The following MYO10 variants were observed in gnomAD, a reference collection of about 807,000 sequenced individuals.
MYO10 encodes the protein myosin X, also known as unconventional myosin-X.
Under a neutral mutation model 257.3 loss-of-function variants are expected in MYO10, and 133 were observed. That is an observed-to-expected ratio of 0.52 (90% CI 0.45 to 0.60). The LOEUF (loss-of-function observed/expected upper bound fraction) is 0.60, where lower values mean the gene tolerates loss of function less well. Ranked by LOEUF, MYO10 falls within the 20% of genes least tolerant of loss-of-function variation. MYO10 has a pLI of 0.00. For synonymous variants in MYO10, 1,104 were observed against 1,028.6 expected (o/e 1.07, Z -1.40); for missense variants, 2,399 against 2,635.7 (o/e 0.91, Z 1.97).
rs866141542 is a variant in MYO10 at position 16,830,526 on chromosome 5, G to A, written c.121-12359C>T. On this transcript the variant is annotated intron_variant, in intron 2 of 40. Coordinates refer to ENST00000513610, the MANE Select transcript of MYO10 (RefSeq NM_012334.3). ...AAAAAAAAAGATGTTCAAACTCTTC[G>A]AGCCAGTCTTTCCACATTTAGGAAT... Among the ~76,000 whole-genome samples, 13 of 151,930 alleles carry A rather than the reference G, an allele frequency of 8.6e-5. 1 individual carries two copies. Among genetic ancestry groups the A allele is most frequent in the Middle Eastern group, 6.8e-3 (2 of 294 alleles).
chr5:16,804,138 G>GGGC (rs1340702843), intron 3 of MYO10, among the ~76,000 whole-genome samples: 1 of 152,154 alleles, frequency 6.6e-6, no homozygotes, highest in African/African-American at 2.4e-5. Flanking sequence ...TCCACCCACA[G>GGGC]GGCTCTGTCA....
chr5:16,867,675 G>A (rs890175935), intron 2 of MYO10, among the ~76,000 whole-genome samples: 28 of 152,170 alleles, frequency 1.8e-4, no homozygotes, highest in African/African-American at 6.5e-4. Context: ...TGGGAGCTGC[G>A]ATTGCTTTAA....
intron 2 of MYO10, among the ~76,000 whole-genome samples, chr5:16,831,572 C>A (rs1188743091): frequency 6.7e-6 from 1 of 150,122 alleles, no homozygotes; most frequent in Non-Finnish European, 1.5e-5. Context: ...GTATTCACAG[C>A]AACCTGGATG....
intron 1 of MYO10, among the ~76,000 whole-genome samples, chr5:16,881,529 T>C (rs969834407): frequency 4.6e-5 from 7 of 152,298 alleles, no homozygotes; most frequent in African/African-American, 4.8e-5. Context: ...CCACAGCCCA[T>C]TGGCCAGTTT....
Position 16,713,567 on chromosome 5 carries a change from A to G in MYO10, c.1930-2322T>C, listed in dbSNP as rs185045450. 1.5e-4 allele frequency: 135 copies of G among 877,336 alleles called. No homozygotes were observed. In the African/African-American group the frequency reaches 2.4e-3, roughly 16 times the overall value. The allele number at this position is 877,336 out of a possible 1,614,324, so 54.3% of individuals were successfully genotyped here. A position where few individuals can be genotyped will look rare whatever the true frequency, so the allele number is the denominator to read the frequency against. On this transcript the variant is annotated intron_variant, in intron 19 of 40. Coordinates refer to ENST00000513610, the MANE Select transcript of MYO10 (RefSeq NM_012334.3). ...CACAGCCAGGGGAGGGGAGGGAGGG[A>G]GCAAGGAGCGGCCTCGAGATCCAGG...
chr5:16,762,143 A>AAAAAAAAAAAAATATATAT (rs370443366), intron 15 of MYO10, 30 bp from the exon 16 acceptor site: 1 of 1,055,752 alleles, frequency 9.5e-7, no homozygotes, highest in African/African-American at 1.6e-5. Flanking sequence ...AAAAAAAAAA[A>AAAAAAAAAAAAATATATAT]ATACAATGCC....
Position 16,664,980 on chromosome 5 carries a change from G to A in MYO10, c.*1712C>T, listed in dbSNP as rs1467563643. On this transcript the variant is annotated 3_prime_UTR_variant, in exon 41 of 41. Transcript: ENST00000513610. The stretch of plus-strand genomic sequence containing the variant: ...TCACACCTGTAATCCCAGCACTTTG[G>A]GAGGCTGAGGCAGGTGGATCGAGAC... The A allele has an allele frequency of 1.3e-5, 2 of 152,212 alleles. No homozygotes were observed. The highest frequency in any genetic ancestry group is 2.9e-5 in the Non-Finnish European group (2 of 68,174). The allele number at this position is 152,212 out of a possible 1,614,324, so 9.4% of individuals were successfully genotyped here.
intron 1 of MYO10, among the ~76,000 whole-genome samples, chr5:16,917,805 G>A (rs745429175): frequency 6.6e-6 from 1 of 152,102 alleles, no homozygotes; most frequent in Non-Finnish European, 1.5e-5. Context: ...AGCCCAGGAG[G>A]TCCGGGGTAT....
At chr5:16,926,423 C>G (rs981677214) in intron 1 of MYO10, among the ~76,000 whole-genome samples, 2 of 152,110 alleles carry the variant, frequency 1.3e-5, no homozygotes, top group Non-Finnish European at 2.9e-5. Flanking sequence ...ACAATCTGGC[C>G]AGGTGGGGTG....
chr5:16,795,496 G>C, intron 3 of MYO10, among the ~76,000 whole-genome samples: 1 of 152,058 alleles, frequency 6.6e-6, no homozygotes, highest in East Asian at 1.9e-4. Context: ...CCCTACACAG[G>C]AGGCTGGGAA....
intron 1 of MYO10, among the ~76,000 whole-genome samples, chr5:16,911,866 CA>C (rs1745667415): frequency 6.6e-6 from 1 of 151,872 alleles, no homozygotes; most frequent in Non-Finnish European, 1.5e-5. Context: ...GGTGAAACCC[CA>C]TCTCTACTAA....
intron 25 of MYO10, 25 bp from the exon 26 acceptor site, chr5:16,699,598 G>T: frequency 6.2e-7 from 1 of 1,612,514 alleles, no homozygotes; most frequent in East Asian, 2.2e-5. Context: ...AGAAGCCAAC[G>T]GTGAGGGAAA....
intron 1 of MYO10, among the ~76,000 whole-genome samples, chr5:16,907,893 C>A (rs1226340315): frequency 6.6e-6 from 1 of 152,208 alleles, no homozygotes; most frequent in African/African-American, 2.4e-5. Flanking sequence ...TTTATCTTTA[C>A]CTCTCTTTTA....
At chr5:16,923,768 C>G (rs1363840545) in intron 1 of MYO10, among the ~76,000 whole-genome samples, 1 of 150,342 alleles carries the variant, frequency 6.7e-6, no homozygotes, top group Admixed American at 6.7e-5. Flanking sequence ...GGTTAACTCA[C>G]AAGGATACTA....
chr5:16,862,930 G>A (rs1271266913), intron 2 of MYO10, among the ~76,000 whole-genome samples: 1 of 152,126 alleles, frequency 6.6e-6, no homozygotes, highest in Non-Finnish European at 1.5e-5. Flanking sequence ...CAGGACTAAG[G>A]GGGCTGAGCT....
At chr5:16,741,782 C>T in intron 19 of MYO10, 2 of 984,052 alleles carry the variant, frequency 2.0e-6, no homozygotes, top group South Asian at 9.4e-5. Context: ...TTAAGCAGAA[C>T]AAGAAAGAGA....
At chr5:16,802,300 A>T (rs1477058768) in intron 3 of MYO10, among the ~76,000 whole-genome samples, 3 of 152,200 alleles carry the variant, frequency 2.0e-5, no homozygotes, top group East Asian at 3.8e-4. Flanking sequence ...GTGCATTAAC[A>T]ACGGCTGTGA....
At chr5:16,668,204 T>G in intron 40 of MYO10, 73 bp downstream of exon 40, 6 of 1,449,444 alleles carry the variant, frequency 4.1e-6, no homozygotes, top group Non-Finnish European at 5.6e-6. Flanking sequence ...GTCAAAGGCA[T>G]GAGGAAATGG....
intron 39 of MYO10, among the ~76,000 whole-genome samples, chr5:16,670,006 T>A (rs966430358): frequency 8.5e-5 from 13 of 152,232 alleles, no homozygotes; most frequent in African/African-American, 2.9e-4. Context: ...ACAGACCAGT[T>A]TGCCAAACTC....
Sources: gnomAD v4.1 joint callset for allele counts (sites outside exome capture counted in the v4.1 genomes callset) on GRCh38, gnomAD v4.1.1 for gene constraint, MANE v1.5 for transcripts, NCBI Gene and HGNC (gene_info 2026-07-23, HGNC 2026-07-21) for gene names.